EXOC6B: variants seen among roughly 807,000 people sequenced by gnomAD.
EXOC6B encodes the protein exocyst complex component 6B, also known as SEC15 homolog B.
In EXOC6B, 54 loss-of-function variants were observed where a neutral mutation model predicts 113.5. The observed-to-expected ratio is 0.48, with a 90% confidence interval of 0.38 to 0.60. The LOEUF is 0.60. Among genes scored for constraint, EXOC6B ranks in the 20% least tolerant of loss-of-function variants. EXOC6B has a pLI of 0.00. For missense variants in EXOC6B, 797 were observed against 977.5 expected, an observed-to-expected ratio of 0.82 and a Z score of 2.46; for synonymous variants, 357 against 339.0, an observed-to-expected ratio of 1.05 and a Z score of -0.58.
intron 20 of EXOC6B, among the ~76,000 whole-genome samples, chr2:72,290,851 A>C (rs1685740469): frequency 6.6e-6 from 1 of 152,128 alleles, no homozygotes; most frequent in Non-Finnish European, 1.5e-5. Flanking sequence ...TCTCTTATAT[A>C]ATTAGCTTAA....
chr2:72,468,265 T>C (rs1698182705), intron 17 of EXOC6B, among the ~76,000 whole-genome samples: 1 of 152,312 alleles, frequency 6.6e-6, no homozygotes, highest in Non-Finnish European at 1.5e-5. Flanking sequence ...TATTTTGTAG[T>C]AATTTTAGTT....
chr2:72,296,265 T>G (rs1254332662), intron 20 of EXOC6B, among the ~76,000 whole-genome samples: 3 of 152,134 alleles, frequency 2.0e-5, no homozygotes, highest in Non-Finnish European at 2.9e-5. Flanking sequence ...AATAGTACCT[T>G]GATATGTTTG....
At chr2:72,754,781 T>C (rs933990398) in intron 1 of EXOC6B, among the ~76,000 whole-genome samples, 31 of 151,016 alleles carry the variant, frequency 2.1e-4, no homozygotes, top group Non-Finnish European at 3.8e-4. Context: ...AAGCAGCTAA[T>C]TTTTTAAAAT....
intron 20 of EXOC6B, among the ~76,000 whole-genome samples, chr2:72,193,064 G>A (rs984790186): frequency 2.0e-5 from 3 of 152,184 alleles, no homozygotes; most frequent in African/African-American, 7.2e-5. Context: ...TTGACAGGAT[G>A]AAACTAATTA....
intron 6 of EXOC6B, among the ~76,000 whole-genome samples, chr2:72,672,681 A>T (rs1675988846): frequency 6.6e-6 from 1 of 152,242 alleles, no homozygotes; most frequent in Non-Finnish European, 1.5e-5. Context: ...AAAGGTCATT[A>T]CATTAAGTGA....
At chr2:72,677,230 G>C (rs1396143213) in intron 6 of EXOC6B, among the ~76,000 whole-genome samples, 1 of 152,012 alleles carries the variant, frequency 6.6e-6, no homozygotes, top group Non-Finnish European at 1.5e-5. Context: ...ATGAGTGTAG[G>C]ATAGCAAAGA....
At chr2:72,822,933 C>A (rs937741451) in intron 1 of EXOC6B, among the ~76,000 whole-genome samples, 1 of 151,954 alleles carries the variant, frequency 6.6e-6, no homozygotes, top group Non-Finnish European at 1.5e-5. Flanking sequence ...GAGATAATGA[C>A]AATAGAGGCA....
intron 6 of EXOC6B, among the ~76,000 whole-genome samples, chr2:72,687,291 C>T (rs1337482495): frequency 6.6e-6 from 1 of 151,968 alleles, no homozygotes; most frequent in Non-Finnish European, 1.5e-5. Context: ...TTGTTAATGA[C>T]TGGGGCACTA....
At chr2:72,704,845 C>G (rs1426268059) in intron 6 of EXOC6B, among the ~76,000 whole-genome samples, 1 of 150,836 alleles carries the variant, frequency 6.6e-6, no homozygotes, top group Non-Finnish European at 1.5e-5. Flanking sequence ...AATAGCTTAC[C>G]AATCAAAAAG....
intron 18 of EXOC6B, among the ~76,000 whole-genome samples, chr2:72,406,724 A>T (rs1012790265): frequency 6.6e-5 from 10 of 152,210 alleles, no homozygotes; most frequent in Non-Finnish European, 1.3e-4. Context: ...GGAAATTTAT[A>T]ACACTAAATG....
intron 18 of EXOC6B, among the ~76,000 whole-genome samples, chr2:72,449,407 G>A (rs1001219987): frequency 2.0e-5 from 3 of 151,116 alleles, no homozygotes; most frequent in East Asian, 1.9e-4. Context: ...TCCAGACCTC[G>A]TGATACACCC....
At chr2:72,285,651 A>G (rs1443416185) in intron 20 of EXOC6B, among the ~76,000 whole-genome samples, 1 of 152,136 alleles carries the variant, frequency 6.6e-6, no homozygotes, top group Non-Finnish European at 1.5e-5. Context: ...GACTTCATTA[A>G]AATTAAAAAT....
chr2:72,625,069 G>A (rs894695482), intron 6 of EXOC6B, among the ~76,000 whole-genome samples: 10 of 148,174 alleles, frequency 6.7e-5, no homozygotes, highest in African/African-American at 2.5e-4. Flanking sequence ...TTTTTTTGGG[G>A]GGGGGGTGGG....
intron 6 of EXOC6B, among the ~76,000 whole-genome samples, chr2:72,658,858 A>C (rs1674799956): frequency 6.6e-6 from 1 of 152,158 alleles, no homozygotes; most frequent in Non-Finnish European, 1.5e-5. Flanking sequence ...CAGATGAAAA[A>C]GACACACTTG....
At chr2:72,806,939 T>C (rs908468294) in intron 1 of EXOC6B, among the ~76,000 whole-genome samples, 13 of 152,200 alleles carry the variant, frequency 8.5e-5, no homozygotes, top group African/African-American at 7.2e-5. Context: ...GTCAGATACA[T>C]AGTTTCCAAA....
intron 20 of EXOC6B, among the ~76,000 whole-genome samples, chr2:72,276,122 A>C (rs1056021181): frequency 6.6e-6 from 1 of 152,140 alleles, no homozygotes; most frequent in African/African-American, 2.4e-5. Flanking sequence ...TGAGGGGTTC[A>C]GTGTCAATGG....
At chr2:72,334,883 G>T in intron 20 of EXOC6B, 64 bp downstream of exon 20, 4 of 1,485,718 alleles carry the variant, frequency 2.7e-6, no homozygotes, top group South Asian at 2.3e-5. Context: ...TTTTCCTTAA[G>T]ACCTGATGGT....
At chr2:72,759,423 A>G (rs1263446084) in intron 1 of EXOC6B, among the ~76,000 whole-genome samples, 2 of 152,078 alleles carry the variant, frequency 1.3e-5, no homozygotes. Context: ...GAGTCATAAA[A>G]TTTTTCCATG....
intron 8 of EXOC6B, among the ~76,000 whole-genome samples, chr2:72,541,784 T>C (rs17008241): frequency 6.6e-6 from 1 of 152,042 alleles, no homozygotes; most frequent in African/African-American, 2.4e-5. Context: ...TATTCCCAGC[T>C]ATTACACCAG....
Sources: allele counts gnomAD v4.1 joint callset (sites outside exome capture counted in the v4.1 genomes callset), GRCh38; gene constraint gnomAD v4.1.1; transcripts MANE v1.5; gene names NCBI Gene and HGNC (gene_info 2026-07-23, HGNC 2026-07-21).